Variants in MAFK observed in about 807,000 individuals in gnomAD.
MAFK encodes the protein MAF bZIP transcription factor K.
MAFK carries 1 observed loss-of-function variant against 9.2 expected under a neutral mutation model. The observed-to-expected ratio is 0.11, with a 90% CI of 0.04 to 0.52. The LOEUF is 0.52. MAFK is among the 20% of genes least tolerant of loss of function. The pLI, the probability that MAFK is intolerant of heterozygous loss-of-function variation, is 0.94. For missense variants in MAFK, 207 were observed against 236.0 expected (o/e 0.88, Z 0.81); for synonymous variants, 110 against 107.4 (o/e 1.02, Z -0.15).
intron 1 of MAFK, among the ~76,000 whole-genome samples, chr7:1,536,824 G>T: frequency 6.6e-6 from 1 of 152,212 alleles, no homozygotes; most frequent in East Asian, 1.9e-4. Context: ...GGGCCGTCCC[G>T]CTGCGTCGTC....
rs1189999293 is a variant in MAFK, at chr7:1,542,379, G to GCCCGCCGTCCCCCTTCATCTC, written c.*2008_*2028dup. 3.8e-4 allele frequency: 58 copies of GCCCGCCGTCCCCCTTCATCTC among 152,732 alleles called. 1 individual carries two copies. The highest frequency in any genetic ancestry group is 1.3e-3 in the African/African-American group (56 of 41,590). 9.5% of individuals were successfully genotyped at this position (152,732 alleles called of 1,614,324 possible). On this transcript the variant is annotated 3_prime_UTR_variant, in exon 3 of 3. Transcript: ENST00000343242. ...TGGGAGCAAAGCGGAGGCCCGGGCT[G>GCCCGCCGTCCCCCTTCATCTC]CCCGCCGTCCCCCTTCATCTCCCCA...
Position 1,534,142 on chromosome 7 carries a change from G to A in MAFK, c.-45+3244G>A, listed in dbSNP as rs1212876366. On this transcript the variant is annotated intron_variant, in intron 1 of 2. Coordinates refer to ENST00000343242, the MANE Select transcript of MAFK (RefSeq NM_002360.4). This position sits in a 1 kb window ranked among gnomAD's most constrained non-coding sequence, Gnocchi z 4.3. ...GCCAGGCTGCTGGCTGGTATGGGCC[G>A]GGCTGCGGGGTGCCAAGTGGGGTGC... The A allele has an allele frequency of 2.3e-5, 10 of 435,386 alleles. No homozygotes were observed. The highest frequency in any genetic ancestry group is 4.8e-5 in the South Asian group (3 of 63,034). 27.0% of individuals were successfully genotyped at this position (435,386 alleles called of 1,614,324 possible). A position where few individuals can be genotyped will look rare whatever the true frequency, so the allele number is the denominator to read the frequency against.
chr7:1,531,869 C>T (rs963906673), intron 1 of MAFK, among the ~76,000 whole-genome samples: 5 of 152,250 alleles, frequency 3.3e-5, no homozygotes, highest in Admixed American at 1.3e-4. Flanking sequence ...CGGGGCCTCC[C>T]GTGTCCCTCT....
Position 1,542,534 on chromosome 7 carries a change from T to G in MAFK, c.*2159T>G, listed in dbSNP as rs1042215603. 6.6e-6 allele frequency: 1 copy of G among 152,298 alleles called. No individual in the cohort carries two copies. Among genetic ancestry groups the G allele is most frequent in the Admixed American group, 6.5e-5 (1 of 15,282 alleles). 9.4% of individuals were successfully genotyped at this position (152,298 alleles called of 1,614,324 possible). A position where few individuals can be genotyped will look rare whatever the true frequency, so the allele number is the denominator to read the frequency against. ...TCTACCTGCCCTTGGCCTGCAGTGC[T>G]TTGCTGGAGAAGGGACTCCCTGGTC... On this transcript the variant is annotated 3_prime_UTR_variant, in exon 3 of 3. Coordinates refer to ENST00000343242, the MANE Select transcript of MAFK (RefSeq NM_002360.4).
chr7:1,534,478 C>G lies in MAFK; in HGVS notation c.-45+3580C>G, dbSNP rs916351422. The G allele has an allele frequency of 4.6e-6, 2 of 437,636 alleles. No homozygotes were observed. Among genetic ancestry groups the G allele is most frequent in the Non-Finnish European group, 4.7e-6 (1 of 214,076 alleles). The allele number at this position is 437,636 out of a possible 1,614,324, so 27.1% of individuals were successfully genotyped here. On this transcript the variant is annotated intron_variant, in intron 1 of 2. Transcript: ENST00000343242. This position sits in a 1 kb window ranked among gnomAD's most constrained non-coding sequence, Gnocchi z 4.3. ...TGCACCTGCCGTGGGAGTCACTGGT[C>G]GGGGGGCGGGAGGGCGCTTGCTGCT...
At chr7:1,535,141 G>A (rs4720835) in intron 1 of MAFK, among the ~76,000 whole-genome samples, 81,627 of 142,672 alleles carry the variant, frequency 0.57, 23,554 homozygotes, top group East Asian at 0.64. Flanking sequence ...AGGCTGGCCT[G>A]AAACTACTGG....
intron 1 of MAFK, chr7:1,538,567 C>G: frequency 2.2e-6 from 1 of 451,696 alleles, no homozygotes; most frequent in Non-Finnish European, 2.9e-6. Context: ...GGCCCCCTCT[C>G]GGGGATCCAG....
chr7:1,536,347 G>A (rs988488819), intron 1 of MAFK, among the ~76,000 whole-genome samples: 2 of 152,198 alleles, frequency 1.3e-5, no homozygotes, highest in Non-Finnish European at 2.9e-5. Flanking sequence ...ATGCGAGGAC[G>A]TCGTTCCTCG....
rs534800109 is a variant in MAFK, at chr7:1,539,045, G to A, written c.-44-104G>A. The stretch of plus-strand genomic sequence containing the variant: ...GTCTTGTTTTCATGGTGCTGTGACT[G>A]TCCACCCCGGGCTGAGAAGCATCCC... On this transcript the variant is annotated intron_variant, in intron 1 of 2. Transcript: ENST00000343242. The A allele has an allele frequency of 5.8e-6, 5 of 855,084 alleles. No homozygotes were observed. In the East Asian group the frequency reaches 1.3e-4, roughly 22 times the overall value. The allele number at this position is 855,084 out of a possible 1,614,324, so 53.0% of individuals were successfully genotyped here. A position where few individuals can be genotyped will look rare whatever the true frequency, so the allele number is the denominator to read the frequency against.
At position 1,537,285 on chromosome 7, in the gene MAFK, G is replaced by A; in HGVS notation, c.-44-1864G>A. On this transcript the variant is annotated intron_variant, in intron 1 of 2. Transcript: ENST00000343242. ...CTGCCACGGCGGGCAGTGGGCCCGG[G>A]GGCCCAGGAGCGGGTCCTTGCTGGG... The A allele has an allele frequency of 4.0e-6, 3 of 743,434 alleles. No individual in the cohort carries two copies. In the South Asian group the frequency reaches 1.8e-4, roughly 45 times the overall value. 46.1% of individuals were successfully genotyped at this position (743,434 alleles called of 1,614,324 possible). A position where few individuals can be genotyped will look rare whatever the true frequency, so the allele number is the denominator to read the frequency against.
intron 1 of MAFK, among the ~76,000 whole-genome samples, chr7:1,536,381 C>G (rs769373419): frequency 2.0e-5 from 3 of 152,190 alleles, no homozygotes; most frequent in Non-Finnish European, 4.4e-5. Context: ...GGGAGCTTGG[C>G]TGCAGTGCTG....
chr7:1,536,339 G>GCGAGGACGTCGTTC (rs914540978), intron 1 of MAFK, among the ~76,000 whole-genome samples: 4 of 152,200 alleles, frequency 2.6e-5, no homozygotes, highest in African/African-American at 9.6e-5. Flanking sequence ...AAGACACAAT[G>GCGAGGACGTCGTTC]CGAGGACGTC....
In MAFK at chr7:1,534,847, G is replaced by T. The variant is rs567999275; in HGVS notation, c.-45+3949G>T. ...CGTTTCTCTATGGGCATCCACAGCC[G>T]GGACCGTTCAGAGGGGTCATCCAGC... On this transcript the variant is annotated intron_variant, in intron 1 of 2. Coordinates refer to ENST00000343242, the MANE Select transcript of MAFK (RefSeq NM_002360.4). This position sits in a 1 kb window ranked among gnomAD's most constrained non-coding sequence, Gnocchi z 4.3. The T allele has an allele frequency of 7.2e-4, 250 of 344,952 alleles. 5 individuals carry two copies. Among genetic ancestry groups the T allele is most frequent in the South Asian group, 5.3e-3 (245 of 46,118 alleles). 21.4% of individuals were successfully genotyped at this position (344,952 alleles called of 1,614,324 possible). A position where few individuals can be genotyped will look rare whatever the true frequency, so the allele number is the denominator to read the frequency against.
Position 1,540,270 on chromosome 7 carries a change from C to T in MAFK, c.366C>T (p.Ala122=), listed in dbSNP as rs1289157389. The change falls in exon 3 of 3, where the codon GCC becomes GCT. Residue 122 remains alanine, a synonymous_variant. Coordinates refer to ENST00000343242, the MANE Select transcript of MAFK (RefSeq NM_002360.4). ...TGCAGACCTTCGCGCGCACCGTGGC[C>T]CGGGGACCTGTGGCGCCCTCCAAGG... is the stretch of plus-strand genomic sequence containing the variant. ...EALQTFARTV[A]RGPVAPSKVA... 6.2e-7 allele frequency: 1 copy of T among 1,611,368 alleles called. No individual in the cohort carries two copies. The highest frequency in any genetic ancestry group is 8.5e-7 in the Non-Finnish European group (1 of 1,179,268).
chr7:1,533,280 C>G (rs774763974), intron 1 of MAFK, among the ~76,000 whole-genome samples: 13 of 152,208 alleles, frequency 8.5e-5, no homozygotes, highest in African/African-American at 1.2e-4. Flanking sequence ...TCTCCCTGCC[C>G]TCCCATGCGG....
rs749866994 is a variant in MAFK, at chr7:1,534,526, G to A, written c.-45+3628G>A. 2.2e-5 allele frequency: 10 copies of A among 452,168 alleles called. No individual in the cohort carries two copies. Among genetic ancestry groups the A allele is most frequent in the South Asian group, 4.7e-5 (3 of 64,388 alleles). 28.0% of individuals were successfully genotyped at this position (452,168 alleles called of 1,614,324 possible). A position where few individuals can be genotyped will look rare whatever the true frequency, so the allele number is the denominator to read the frequency against. On this transcript the variant is annotated intron_variant, in intron 1 of 2. Transcript: ENST00000343242. The surrounding 1 kb of genome is among the most constrained non-coding windows in gnomAD (Gnocchi z 4.3). ...GCTGTGCTGCTGGGTTTCTGAACCC[G>A]TGTCTCTCGCACAGAGCTCCCGTCC... is the stretch of plus-strand genomic sequence containing the variant.
At chr7:1,539,546 G>C (rs896565049) in intron 2 of MAFK, among the ~76,000 whole-genome samples, 1 of 151,880 alleles carries the variant, frequency 6.6e-6, no homozygotes, top group Non-Finnish European at 1.5e-5. Context: ...GGCCAGCGTG[G>C]CCTCTGGTGA....
intron 1 of MAFK, chr7:1,537,339 G>A (rs1583200108): frequency 6.1e-6 from 6 of 978,264 alleles, no homozygotes; most frequent in African/African-American, 3.5e-5. Flanking sequence ...GGGAATGCGC[G>A]CGGCTCTGTA....
chr7:1,536,166 G>A (rs756906228), intron 1 of MAFK, among the ~76,000 whole-genome samples: 13 of 152,162 alleles, frequency 8.5e-5, no homozygotes, highest in Non-Finnish European at 1.6e-4. Flanking sequence ...CCTTACTTAC[G>A]TCGGCTGCTG....
Sources: allele counts gnomAD v4.1 joint callset (sites outside exome capture counted in the v4.1 genomes callset), GRCh38; gene constraint gnomAD v4.1.1; non-coding constraint Gnocchi (gnomAD v3.1); transcripts MANE v1.5; gene names NCBI Gene and HGNC (gene_info 2026-07-23, HGNC 2026-07-21).